PIGP: variants seen among roughly 807,000 people sequenced by gnomAD.
The protein encoded by PIGP is phosphatidylinositol glycan anchor biosynthesis class P, also known as phosphatidylinositol N-acetylglucosaminyltransferase subunit P.
A neutral mutation model predicts 16.9 loss-of-function variants in PIGP; 12 were observed. That is an observed-to-expected ratio of 0.71 (90% confidence interval 0.46 to 1.15). The LOEUF is 1.15. Ranked by LOEUF, PIGP falls within the 50% of genes most tolerant of loss-of-function variation. The pLI, the probability that PIGP is intolerant of heterozygous loss-of-function variation, is 0.00. For synonymous variants in PIGP, 57 were observed against 54.7 expected (o/e 1.04, Z -0.18); for missense variants, 159 against 153.5 (o/e 1.04, Z -0.19).
intron 4 of PIGP, among the ~76,000 whole-genome samples, chr21:37,066,224 C>T (rs1471260822): frequency 2.0e-5 from 3 of 152,104 alleles, no homozygotes; most frequent in Non-Finnish European, 4.4e-5. Flanking sequence ...GTCTCATTTG[C>T]ACATTTCTCA....
Position 37,072,525 on chromosome 21 carries a change from G to C in PIGP, c.-10C>G. The C allele has an allele frequency of 6.2e-6, 10 of 1,614,188 alleles. No homozygotes were observed. Among genetic ancestry groups the C allele is most frequent in the Non-Finnish European group, 7.6e-6 (9 of 1,180,018 alleles). On this transcript the variant is annotated 5_prime_UTR_variant, in exon 2 of 5. Transcript: ENST00000360525. Reference sequence around the variant, plus strand: ...GTGAATTTTCCACCATTTTTCCTGGGGCTTTAGACAATCTGTGGAAAAGGA... The same window carrying C: ...GTGAATTTTCCACCATTTTTCCTGGCGCTTTAGACAATCTGTGGAAAAGGA...
chr21:37,066,128 A>T (rs1037481876), intron 4 of PIGP, among the ~76,000 whole-genome samples: 3 of 151,838 alleles, frequency 2.0e-5, no homozygotes, highest in Admixed American at 6.6e-5. Context: ...TAAAAATAAA[A>T]AAATAAAAAC....
At chr21:37,071,769 G>C (rs569248534) in intron 2 of PIGP, among the ~76,000 whole-genome samples, 1 of 152,282 alleles carries the variant, frequency 6.6e-6, no homozygotes, top group South Asian at 2.1e-4. Context: ...CTTGGGACTT[G>C]CTGTGTGAGT....
intron 3 of PIGP, chr21:37,069,294 AG>A: frequency 4.0e-6 from 1 of 248,260 alleles, no homozygotes. Context: ...TTGTATCTTC[AG>A]TTTTTTTTTT....
chr21:37,072,754 G>C (rs951109918), intron 1 of PIGP: 1 of 671,052 alleles, frequency 1.5e-6, no homozygotes, highest in African/African-American at 1.8e-5. Context: ...GGCAGGGAGG[G>C]GGGTTCTGGG....
chr21:37,065,542 A>C lies in PIGP; in HGVS notation c.*40T>G. 1 of 1,578,378 alleles carries C rather than the reference A, an allele frequency of 6.3e-7. No individual in the cohort carries two copies. The highest frequency in any genetic ancestry group is 8.6e-7 in the Non-Finnish European group (1 of 1,168,560). On this transcript the variant is annotated 3_prime_UTR_variant, in exon 5 of 5. Coordinates refer to ENST00000360525, the MANE Select transcript of PIGP (RefSeq NM_153682.3). ...CAAAATTATAATGGCAAAAACTTAT[A>C]AATAAATACGTGCTTGGTGTTACTA...
intron 4 of PIGP, 96 bp downstream of exon 4, chr21:37,067,166 T>C: frequency 1.4e-6 from 1 of 728,136 alleles, no homozygotes; most frequent in Non-Finnish European, 2.4e-6. Context: ...ACCACCAACA[T>C]GGGTTTTGCA....
At chr21:37,072,292 C>A in intron 2 of PIGP, 142 bp downstream of exon 2, 1 of 1,605,016 alleles carries the variant, frequency 6.2e-7, no homozygotes, top group Non-Finnish European at 8.5e-7. Context: ...TCAGCAAACA[C>A]GAGATCCCTT....
Position 37,072,460 on chromosome 21 carries a change from A to C in PIGP, c.56T>G (p.Leu19Arg), listed in dbSNP as rs1040804189. Residue 19 changes from leucine to arginine, a missense_variant, in exon 2 of 5, where the codon CTT becomes CGT. Coordinates refer to ENST00000360525, the MANE Select transcript of PIGP (RefSeq NM_153682.3). ...LPERAIYGFV[L>R]FLSSQFGFIL... ...GAAGCCAAATTGGGAGCTTAAGAAA[A>C]GAACAAAGCCATAAATCGCTCTTTC... 4.3e-6 allele frequency: 7 copies of C among 1,614,130 alleles called. No homozygotes were observed. The highest frequency in any genetic ancestry group is 5.9e-6 in the Non-Finnish European group (7 of 1,180,038).
At chr21:37,071,621 A>G (rs1446453032) in intron 2 of PIGP, among the ~76,000 whole-genome samples, 1 of 152,214 alleles carries the variant, frequency 6.6e-6, no homozygotes, top group East Asian at 1.9e-4. Flanking sequence ...GCAGGCTGAT[A>G]TATTTTAGTT....
chr21:37,072,487 G>A lies in PIGP; in HGVS notation c.29C>T (p.Pro10Leu). Residue 10 changes from proline to leucine, a missense_variant, in exon 2 of 5, where the codon CCA becomes CTA. Physicochemically the swap from Pro to Leu is moderately conservative, Grantham distance 98. Transcript: ENST00000360525. ...AACAAAGCCATAAATCGCTCTTTCT[G>A]GCAATGGCGACGGTGAATTTTCCAC... MVENSPSPL[P>L]ERAIYGFVLF... The A allele has an allele frequency of 3.1e-6, 5 of 1,614,234 alleles. No homozygotes were observed. Among genetic ancestry groups the A allele is most frequent in the Non-Finnish European group, 3.4e-6 (4 of 1,180,038 alleles).
At chr21:37,069,651 A>G (rs2069966516) in intron 2 of PIGP, 27 bp from the exon 3 acceptor site, 1 of 1,435,608 alleles carries the variant, frequency 7.0e-7, no homozygotes, top group Non-Finnish European at 9.5e-7. Context: ...GAAAAAAAAG[A>G]GGAAGAGAAG....
At chr21:37,071,164 T>C (rs2069999056) in intron 2 of PIGP, among the ~76,000 whole-genome samples, 2 of 152,246 alleles carry the variant, frequency 1.3e-5, no homozygotes, top group Admixed American at 6.5e-5. Flanking sequence ...ATAACATCAG[T>C]AGCTAACACT....
At position 37,065,489 on chromosome 21, in the gene PIGP, AAG is replaced by A. The variant is rs1378065286; in HGVS notation, c.*91_*92del. ...TTACATTTTTTACTTCTCTATTAAT[AAG>A]AGAGATGGTCAAATTAATTTATGGT... On this transcript the variant is annotated 3_prime_UTR_variant, in exon 5 of 5. Coordinates refer to ENST00000360525, the MANE Select transcript of PIGP (RefSeq NM_153682.3). 7.8e-7 allele frequency: 1 copy of A among 1,275,436 alleles called. No individual in the cohort carries two copies. The highest frequency in any genetic ancestry group is 1.4e-5 in the South Asian group (1 of 73,008). The allele number at this position is 1,275,436 out of a possible 1,614,324, so 79.0% of individuals were successfully genotyped here. A position where few individuals can be genotyped will look rare whatever the true frequency, so the allele number is the denominator to read the frequency against.
rs1428012110 is a variant in PIGP at position 37,072,378 on chromosome 21, C to T, written c.82+56G>A. On this transcript the variant is annotated intron_variant, in intron 2 of 4. Coordinates refer to ENST00000360525, the MANE Select transcript of PIGP (RefSeq NM_153682.3). ...TGCACAGTCTAACCAATGTATTCTTCCCTTGTCACTGAACGCCAGAAAAAG... is the reference window on the plus strand; with the variant it reads ...TGCACAGTCTAACCAATGTATTCTTTCCTTGTCACTGAACGCCAGAAAAAG... 5.0e-6 allele frequency: 8 copies of T among 1,609,840 alleles called. No individual in the cohort carries two copies. In the African/African-American group the frequency reaches 9.4e-5, roughly 19 times the overall value.
rs2069888872 is a variant in PIGP, at chr21:37,065,649, T to A, written c.338A>T (p.Asp113Val). 1 of 1,613,310 alleles carries A rather than the reference T, an allele frequency of 6.2e-7. No individual in the cohort carries two copies. Among genetic ancestry groups the A allele is most frequent in the East Asian group, 2.2e-5 (1 of 44,820 alleles). Residue 113 changes from aspartate (D) to valine (V), a missense_variant, in exon 5 of 5, where the codon GAT becomes GTT. Physicochemically the swap from Asp to Val is radical, Grantham distance 152. Coordinates refer to ENST00000360525, the MANE Select transcript of PIGP (RefSeq NM_153682.3). The stretch of plus-strand genomic sequence containing the variant: ...TTGGTTTACTTCACTAATAGAAATA[T>A]CTCTTAAGGCTGGAATGGCCTCCTC... Reference protein sequence around the residue: ...YQEEAIPALRDISISEVNQMF... With the variant: ...YQEEAIPALRVISISEVNQMF...
At chr21:37,069,481 G>A (rs1303010341) in intron 3 of PIGP, 71 bp downstream of exon 3, 2 of 915,668 alleles carry the variant, frequency 2.2e-6, no homozygotes, top group East Asian at 2.7e-5. Flanking sequence ...ATTTGGGTAG[G>A]TTTAAGAAAT....
intron 2 of PIGP, 82 bp from the exon 3 acceptor site, chr21:37,069,706 TAAAAC>T: frequency 1.0e-6 from 1 of 986,958 alleles, no homozygotes; most frequent in Non-Finnish European, 1.5e-6. Flanking sequence ...AAGATTCAGA[TAAAAC>T]AGAAAAGCTC....
chr21:37,072,690 T>A (rs891915317), intron 1 of PIGP, 153 bp from the exon 2 acceptor site: 1 of 1,329,438 alleles, frequency 7.5e-7, no homozygotes, highest in African/African-American at 1.4e-5. Flanking sequence ...CTCGAGCGCA[T>A]ACAGACACCC....
Sources: gnomAD v4.1 joint callset for allele counts (sites outside exome capture counted in the v4.1 genomes callset) on GRCh38, gnomAD v4.1.1 for gene constraint, MANE v1.5 for transcripts, NCBI Gene and HGNC (gene_info 2026-07-23, HGNC 2026-07-21) for gene names.